ABCB9: variants seen among roughly 807,000 people sequenced by gnomAD.
ABCB9 encodes ATP binding cassette subfamily B member 9.
In ABCB9, 36 loss-of-function variants were observed where a neutral mutation model predicts 62.0. That is an observed-to-expected ratio of 0.58 (90% CI 0.45 to 0.77). ABCB9 has a LOEUF of 0.77. Ranked by LOEUF, ABCB9 falls within the 30% of genes least tolerant of loss-of-function variation. ABCB9 has a pLI of 0.00. For missense variants in ABCB9, 943 were observed against 1,054.7 expected (o/e 0.89, Z 1.47); for synonymous variants, 435 against 461.4 (o/e 0.94, Z 0.73).
At position 122,964,087 on chromosome 12, in the gene ABCB9, C is replaced by G. The variant is rs1023515298; in HGVS notation, c.-88+2200G>C. On this transcript the variant is annotated intron_variant, in intron 1 of 11. Coordinates refer to ENST00000280560, the MANE Select transcript of ABCB9 (RefSeq NM_019625.4). This position sits in a 1 kb window ranked among gnomAD's most constrained non-coding sequence, Gnocchi z 4.7. ...TGCCGGCTGCACCAGGTGCTGCCAG[C>G]CGCCTCAGCTGCTGCTCTCCTCGTG... is the stretch of plus-strand genomic sequence containing the variant. Among the ~76,000 whole-genome samples the G allele has an allele frequency of 6.6e-6, 1 of 152,218 alleles. No individual in the cohort carries two copies. The highest frequency in any genetic ancestry group is 2.4e-5 in the African/African-American group (1 of 41,450).
chr12:122,956,089 G>A (rs913186371), intron 2 of ABCB9, among the ~76,000 whole-genome samples: 1 of 152,158 alleles, frequency 6.6e-6, no homozygotes, highest in Non-Finnish European at 1.5e-5. Flanking sequence ...AATCTAAGGT[G>A]GCTTCCTAAG....
chr12:122,948,598 C>A, intron 5 of ABCB9, 26 bp downstream of exon 5: 6 of 1,589,714 alleles, frequency 3.8e-6, no homozygotes, highest in Non-Finnish European at 5.1e-6. Context: ...GGTGCACAGT[C>A]CCCAGCAGAG....
chr12:122,951,923 A>G (rs1184641628), intron 2 of ABCB9: 2 of 152,200 alleles, frequency 1.3e-5, no homozygotes, highest in African/African-American at 4.8e-5. Flanking sequence ...CAAAATTTAC[A>G]TATTGAAACA....
chr12:122,972,656 G>T (rs1566206042), intron 1 of ABCB9, among the ~76,000 whole-genome samples: 1 of 152,082 alleles, frequency 6.6e-6, no homozygotes, highest in Non-Finnish European at 1.5e-5. Flanking sequence ...GATTACAGGC[G>T]TGTGCTACCA....
At chr12:122,942,981 A>C (rs1390117109) in intron 7 of ABCB9, among the ~76,000 whole-genome samples, 1 of 152,132 alleles carries the variant, frequency 6.6e-6, no homozygotes, top group Admixed American at 6.5e-5. Flanking sequence ...AGATGCTAGG[A>C]ACACCCCACC....
At chr12:122,931,099 A>C (rs550486513) in intron 11 of ABCB9, among the ~76,000 whole-genome samples, 2 of 152,186 alleles carry the variant, frequency 1.3e-5, no homozygotes, top group South Asian at 2.1e-4. Context: ...ATCTCGGCTC[A>C]TTGCAACCTC....
chr12:122,967,665 T>C (rs1233596725), upstream of ABCB9, among the ~76,000 whole-genome samples: 1 of 152,162 alleles, frequency 6.6e-6, no homozygotes, highest in African/African-American at 2.4e-5. Context: ...ATTTTTGTAT[T>C]TTTAGTAGAG....
chr12:122,920,173 G>A (rs1447339374), downstream of ABCB9, among the ~76,000 whole-genome samples: 1 of 152,106 alleles, frequency 6.6e-6, no homozygotes, highest in Non-Finnish European at 1.5e-5. Flanking sequence ...GAGCCACCAC[G>A]CCCAGCCAAC....
chr12:122,923,485 T>G (rs1207520599), intron 11 of ABCB9, among the ~76,000 whole-genome samples: 1 of 152,080 alleles, frequency 6.6e-6, no homozygotes, highest in Non-Finnish European at 1.5e-5. Context: ...GAGACGGGGT[T>G]TCACTGTGTT....
chr12:122,931,985 A>G, intron 11 of ABCB9: 2 of 844,594 alleles, frequency 2.4e-6, no homozygotes, highest in South Asian at 3.4e-5. Context: ...CCCACACCAT[A>G]CAGCTCTGCC....
upstream of ABCB9, among the ~76,000 whole-genome samples, chr12:122,966,933 C>T (rs2037199535): frequency 6.6e-6 from 1 of 152,248 alleles, no homozygotes; most frequent in Non-Finnish European, 1.5e-5. Context: ...CTACGGCGTG[C>T]CATATGCCCT....
chr12:122,936,897 T>G (rs898534832), intron 9 of ABCB9, among the ~76,000 whole-genome samples: 2 of 133,676 alleles, frequency 1.5e-5, no homozygotes, highest in African/African-American at 2.8e-5. Context: ...AGAGCAAAAC[T>G]CCATCTCAAA....
At chr12:122,968,983 C>T (rs762529407), upstream of ABCB9, among the ~76,000 whole-genome samples, 1 of 152,148 alleles carries the variant, frequency 6.6e-6, no homozygotes, top group Non-Finnish European at 1.5e-5. Context: ...CCACTGCGTC[C>T]CTTTCACATA....
At chr12:122,941,457 C>T (rs934690525) in intron 7 of ABCB9, among the ~76,000 whole-genome samples, 2 of 151,502 alleles carry the variant, frequency 1.3e-5, no homozygotes, top group African/African-American at 2.4e-5. Flanking sequence ...TACAGGTACT[C>T]GCCACCACGC....
In ABCB9 at chr12:122,935,299, T is replaced by G. The variant is rs773100436; in HGVS notation, c.1876A>C (p.Met626Leu). 1.2e-6 allele frequency: 2 copies of G among 1,612,526 alleles called. No homozygotes were observed. ...AQKANAHGFI[M>L]ELQDGYSTET... ...GTGCTGTAGCCGTCCTGGAGTTCCA[T>G]GATGAAGCCGTGGGCATTGGCCTTC... Residue 626 changes from methionine (M) to leucine (L), a missense_variant, in exon 10 of 12, where the codon ATG becomes CTG. By Grantham distance (15) the Met-to-Leu change is conservative (BLOSUM62 2). Coordinates refer to ENST00000280560, the MANE Select transcript of ABCB9 (RefSeq NM_019625.4).
rs1249610504 is a variant in ABCB9, at chr12:122,948,955, G to C, written c.848-126C>G. The stretch of plus-strand genomic sequence containing the variant: ...GCCTCCCTACCTGTGGGCGGGGTTG[G>C]GGGGTGGGGGAGAAGAGCAGATACC... On this transcript the variant is annotated intron_variant, in intron 4 of 11. Transcript: ENST00000280560. 5.5e-5 allele frequency: 40 copies of C among 721,910 alleles called. No individual in the cohort carries two copies. In the East Asian group the frequency reaches 1.3e-3, roughly 24 times the overall value. The allele number at this position is 721,910 out of a possible 1,614,324, so 44.7% of individuals were successfully genotyped here.
intron 10 of ABCB9, among the ~76,000 whole-genome samples, chr12:122,933,874 T>C (rs1313741912): frequency 6.6e-6 from 1 of 152,118 alleles, no homozygotes; most frequent in African/African-American, 2.4e-5. Context: ...TTATCTCACA[T>C]ATTTATCACT....
Position 122,964,065 on chromosome 12 carries a change from C to T in ABCB9, c.-88+2222G>A, listed in dbSNP as rs1184784253. 1.3e-5 allele frequency among the ~76,000 whole-genome samples: 2 copies of T among 152,194 alleles called. No individual in the cohort carries two copies. Among genetic ancestry groups the T allele is most frequent in the South Asian group, 2.1e-4 (1 of 4,834 alleles). On this transcript the variant is annotated intron_variant, in intron 1 of 11. Transcript: ENST00000280560. This position sits in a 1 kb window ranked among gnomAD's most constrained non-coding sequence, Gnocchi z 4.7. Reference sequence around the variant, plus strand: ...CCAGGCCTCCCAGCCAAGCCACTGCCGGCTGCACCAGGTGCTGCCAGCCGC... The same window carrying T: ...CCAGGCCTCCCAGCCAAGCCACTGCTGGCTGCACCAGGTGCTGCCAGCCGC...
chr12:122,950,581 C>A lies in ABCB9; in HGVS notation c.602-16G>T, dbSNP rs1468771615. 3 of 1,604,414 alleles carry A rather than the reference C, an allele frequency of 1.9e-6. No homozygotes were observed. In the East Asian group the frequency reaches 6.7e-5, roughly 36 times the overall value. ...AAGGTCTCTCCTGGGGGAGGCAGGGCAGCCTCAGGGACGTCTGCAGCCAGG... is the reference window on the plus strand; with the variant it reads ...AAGGTCTCTCCTGGGGGAGGCAGGGAAGCCTCAGGGACGTCTGCAGCCAGG... On this transcript the variant is annotated splice_polypyrimidine_tract_variant and intron_variant, in intron 2 of 11. Coordinates refer to ENST00000280560, the MANE Select transcript of ABCB9 (RefSeq NM_019625.4).
Sources: gnomAD v4.1 joint callset for allele counts (sites outside exome capture counted in the v4.1 genomes callset) on GRCh38, gnomAD v4.1.1 for gene constraint, Gnocchi (gnomAD v3.1) non-coding constraint, MANE v1.5 for transcripts, NCBI Gene and HGNC (gene_info 2026-07-23, HGNC 2026-07-21) for gene names.